Variants in SGMS2 observed in about 807,000 individuals in gnomAD.
SGMS2 encodes the protein phosphatidylcholine:ceramide cholinephosphotransferase 2.
A neutral mutation model predicts 43.8 loss-of-function variants in SGMS2; 21 were observed. The observed-to-expected ratio is 0.48, with a 90% CI of 0.34 to 0.69. The LOEUF is 0.69. Among genes scored for constraint, SGMS2 ranks in the 30% least tolerant of loss-of-function variants. SGMS2 has a pLI of 0.01. For synonymous variants in SGMS2, 167 were observed against 160.6 expected, an observed-to-expected ratio of 1.04 and a Z score of -0.30; for missense variants, 384 against 443.2, an observed-to-expected ratio of 0.87 and a Z score of 1.20.
chr4:107,900,257 G>T (rs1731009233), intron 4 of SGMS2, among the ~76,000 whole-genome samples: 1 of 152,168 alleles, frequency 6.6e-6, no homozygotes, highest in Non-Finnish European at 1.5e-5. Context: ...CATGTGGACG[G>T]CATGAGAGCT....
intron 2 of SGMS2, among the ~76,000 whole-genome samples, chr4:107,873,660 T>C (rs1430396853): frequency 6.6e-6 from 1 of 152,154 alleles, no homozygotes; most frequent in Non-Finnish European, 1.5e-5. Flanking sequence ...TATCTGACTT[T>C]TTCACATGGT....
At chr4:107,879,981 T>C (rs1729220733) in intron 2 of SGMS2, among the ~76,000 whole-genome samples, 1 of 152,208 alleles carries the variant, frequency 6.6e-6, no homozygotes, top group African/African-American at 2.4e-5. Flanking sequence ...ACTTTGTATC[T>C]GTTTGTTAGG....
chr4:107,839,302 A>G (rs1391767831), intron 1 of SGMS2, among the ~76,000 whole-genome samples: 1 of 152,110 alleles, frequency 6.6e-6, no homozygotes, highest in Non-Finnish European at 1.5e-5. Context: ...GGCAACTTCA[A>G]AAGGGTTCTT....
At chr4:107,829,929 C>T (rs1364575596) in intron 1 of SGMS2, among the ~76,000 whole-genome samples, 2 of 152,040 alleles carry the variant, frequency 1.3e-5, no homozygotes, top group East Asian at 1.9e-4. Flanking sequence ...AGGTTTGTTA[C>T]ATGGGTAAAT....
intron 2 of SGMS2, among the ~76,000 whole-genome samples, chr4:107,891,431 A>G (rs2126111008): frequency 6.6e-6 from 1 of 152,226 alleles, no homozygotes; most frequent in East Asian, 1.9e-4. Context: ...ACAAACCCCA[A>G]TTTAGTTATC....
chr4:107,885,689 A>G (rs1300947831), intron 2 of SGMS2, among the ~76,000 whole-genome samples: 1 of 152,216 alleles, frequency 6.6e-6, no homozygotes, highest in African/African-American at 2.4e-5. Context: ...GCAGGTAATG[A>G]CTAAAAGGCA....
intron 1 of SGMS2, among the ~76,000 whole-genome samples, chr4:107,835,331 T>G (rs1158901544): frequency 6.6e-6 from 1 of 152,176 alleles, no homozygotes; most frequent in Non-Finnish European, 1.5e-5. Context: ...AGACAGAATA[T>G]TTTCATATTT....
chr4:107,841,339 A>T (rs542185085), intron 1 of SGMS2, among the ~76,000 whole-genome samples: 76 of 151,774 alleles, frequency 5.0e-4, no homozygotes, highest in African/African-American at 1.8e-3. Flanking sequence ...TTCATTATTA[A>T]CCCCTGAAGG....
At chr4:107,904,376 C>G (rs1236276671) in intron 5 of SGMS2, among the ~76,000 whole-genome samples, 1 of 152,138 alleles carries the variant, frequency 6.6e-6, no homozygotes, top group Non-Finnish European at 1.5e-5. Flanking sequence ...TCTCTTGGCC[C>G]TTTGTTCATC....
rs140791913 is a variant in SGMS2, at chr4:107,908,771, G to C, written c.894+40G>C. ...GATGCTTGGATAATTTCTTTTCTTT[G>C]AATGCAGTGGACCCTTTTCATGTCG... is the stretch of plus-strand genomic sequence containing the variant. On this transcript the variant is annotated intron_variant, in intron 6 of 6. Transcript: ENST00000690982. 135 of 1,571,600 alleles carry C rather than the reference G, an allele frequency of 8.6e-5. 1 individual carries two copies. The Middle Eastern group carries it at 2.3e-3, about 26-fold the overall frequency.
At chr4:107,904,044 G>T (rs1731350718) in intron 5 of SGMS2, among the ~76,000 whole-genome samples, 1 of 152,076 alleles carries the variant, frequency 6.6e-6, no homozygotes, top group East Asian at 1.9e-4. Context: ...TTTCTAGTAG[G>T]TTTTATGGCC....
At chr4:107,862,207 G>C (rs1356773370) in intron 2 of SGMS2, among the ~76,000 whole-genome samples, 3 of 152,166 alleles carry the variant, frequency 2.0e-5, no homozygotes, top group Admixed American at 6.5e-5. Flanking sequence ...AATGTATATG[G>C]AATGCAAGCC....
intron 1 of SGMS2, among the ~76,000 whole-genome samples, chr4:107,838,975 C>T (rs935340667): frequency 9.9e-5 from 15 of 152,284 alleles, no homozygotes; most frequent in African/African-American, 2.9e-4. Flanking sequence ...CTCTCTGACT[C>T]TTCCTCCACC....
At chr4:107,848,434 AGGAGAACTATT>A (rs1222092581) in intron 1 of SGMS2, among the ~76,000 whole-genome samples, 1 of 152,178 alleles carries the variant, frequency 6.6e-6, no homozygotes, top group Non-Finnish European at 1.5e-5. Flanking sequence ...GTAAATACCA[AGGAGAACTATT>A]GCCTTGTCAC....
chr4:107,874,912 A>G (rs566660385), intron 2 of SGMS2, among the ~76,000 whole-genome samples: 1 of 152,288 alleles, frequency 6.6e-6, no homozygotes, highest in South Asian at 2.1e-4. Flanking sequence ...AATTTGAAGA[A>G]CATAAATCAT....
intron 4 of SGMS2, among the ~76,000 whole-genome samples, chr4:107,902,566 C>A (rs1393069917): frequency 6.6e-6 from 1 of 152,146 alleles, no homozygotes; most frequent in Non-Finnish European, 1.5e-5. Context: ...AGTGGCTTTG[C>A]AGGGCTGCTG....
At chr4:107,882,320 A>G (rs535081837) in intron 2 of SGMS2, among the ~76,000 whole-genome samples, 1 of 152,102 alleles carries the variant, frequency 6.6e-6, no homozygotes, top group South Asian at 2.1e-4. Context: ...GGGTTAGATG[A>G]TATCTCATTG....
Position 107,910,579 on chromosome 4 carries a change from T to TA in SGMS2, c.*27dup. The stretch of plus-strand genomic sequence containing the variant: ...GGAGCAAAACAAAGGCATCAGCTCT[T>TA]ACACCAAAAGAGTTAACGCTGTAAC... On this transcript the variant is annotated 3_prime_UTR_variant, in exon 7 of 7. Coordinates refer to ENST00000690982, the MANE Select transcript of SGMS2 (RefSeq NM_001375905.1). 4.4e-6 allele frequency: 7 copies of TA among 1,606,766 alleles called. No individual in the cohort carries two copies. The highest frequency in any genetic ancestry group is 6.0e-6 in the Non-Finnish European group (7 of 1,174,694).
intron 5 of SGMS2, among the ~76,000 whole-genome samples, chr4:107,904,270 T>G (rs1317540816): frequency 6.6e-6 from 1 of 152,184 alleles, no homozygotes; most frequent in African/African-American, 2.4e-5. Context: ...GAGGTTTATC[T>G]TAATCCTTTT....
Sources: gnomAD v4.1 joint callset for allele counts (sites outside exome capture counted in the v4.1 genomes callset) on GRCh38, gnomAD v4.1.1 for gene constraint, MANE v1.5 for transcripts, NCBI Gene and HGNC (gene_info 2026-07-23, HGNC 2026-07-21) for gene names.